DDX52: variants seen among roughly 807,000 people sequenced by gnomAD.
DDX52 encodes the protein probable ATP-dependent RNA helicase DDX52.
Under a neutral mutation model 76.1 loss-of-function variants are expected in DDX52, and 59 were observed. The ratio of observed to expected loss-of-function variants is 0.78; its 90% CI spans 0.63 to 0.96. The LOEUF is 0.96. Ranked by LOEUF, DDX52 falls within the 40% of genes least tolerant of loss-of-function variation. DDX52 has a pLI of 0.00. For missense variants in DDX52, 707 were observed against 703.9 expected, an observed-to-expected ratio of 1.00 and a Z score of -0.05; for synonymous variants, 231 against 244.1, an observed-to-expected ratio of 0.95 and a Z score of 0.50.
chr17:37,621,027 T>C, intron 11 of DDX52, 79 bp from the exon 12 acceptor site: 1 of 1,557,412 alleles, frequency 6.4e-7, no homozygotes, highest in Non-Finnish European at 8.6e-7. Context: ...AGTCACTGGA[T>C]TTTCACAGCA....
In DDX52 at chr17:37,625,900, T is replaced by C; in HGVS notation, c.1131A>G (p.Gly377=). 1 of 1,613,990 alleles carries C rather than the reference T, an allele frequency of 6.2e-7. No homozygotes were observed. The highest frequency in any genetic ancestry group is 8.5e-7 in the Non-Finnish European group (1 of 1,179,926). Residue 377 remains glycine (G), a synonymous_variant, in exon 8 of 15, where the codon GGA becomes GGG. Coordinates refer to ENST00000617633, the MANE Select transcript of DDX52 (RefSeq NM_007010.5). ...NLDNVISVSI[G]ARNSAVETVE... ...GTTGAGAAACAATTAAATACCTTGC[T>C]CCAATGGACACACTGATGACATTGT...
At position 37,610,824 on chromosome 17, in the gene DDX52, T is replaced by A. The variant is rs2064329664; in HGVS notation, c.*3472A>T. On this transcript the variant is annotated 3_prime_UTR_variant, in exon 15 of 15. Transcript: ENST00000617633. ...AGAGCCAGCTATTCAATTTTTATGTTTTTTCTTTTGCTGTAACTGCCTGTT... is the reference window on the plus strand; with the variant it reads ...AGAGCCAGCTATTCAATTTTTATGTATTTTCTTTTGCTGTAACTGCCTGTT... 6.6e-6 allele frequency: 1 copy of A among 152,234 alleles called. No homozygotes were observed. Among genetic ancestry groups the A allele is most frequent in the Admixed American group, 6.5e-5 (1 of 15,282 alleles). The allele number at this position is 152,234 out of a possible 1,614,324, so 9.4% of individuals were successfully genotyped here. A position where few individuals can be genotyped will look rare whatever the true frequency, so the allele number is the denominator to read the frequency against.
rs59823735 is a variant in DDX52 at position 37,614,378 on chromosome 17, T to C, written c.1743-25A>G. On this transcript the variant is annotated intron_variant, in intron 14 of 14. Coordinates refer to ENST00000617633, the MANE Select transcript of DDX52 (RefSeq NM_007010.5). ...CCTGTAAAGAGCAAAGTAAGAAAAA[T>C]TGAATAAAAAATTCTACGTATATTT... The C allele has an allele frequency of 2.2e-5, 36 of 1,600,060 alleles. No homozygotes were observed. The highest frequency in any genetic ancestry group is 6.8e-5 in the South Asian group (6 of 87,984).
At chr17:37,616,451 G>A (rs1033434424) in intron 14 of DDX52, among the ~76,000 whole-genome samples, 3 of 152,002 alleles carry the variant, frequency 2.0e-5, no homozygotes, top group Admixed American at 1.3e-4. Context: ...TTGAGAGTTC[G>A]AGACCATCTT....
intron 9 of DDX52, among the ~76,000 whole-genome samples, chr17:37,622,333 GC>G (rs1392929683): frequency 7.1e-6 from 1 of 141,530 alleles, no homozygotes; most frequent in Non-Finnish European, 1.5e-5. Context: ...TTGCTATGTT[GC>G]CCAGGCTGGA....
chr17:37,624,380 G>T lies in DDX52; in HGVS notation c.1191C>A (p.Thr397=). 1.2e-6 allele frequency: 2 copies of T among 1,607,350 alleles called. No homozygotes were observed. The highest frequency in any genetic ancestry group is 1.7e-6 in the Non-Finnish European group (2 of 1,175,656). Residue 397 remains threonine, a synonymous_variant, in exon 9 of 15, where the codon ACC becomes ACA. Transcript: ENST00000617633. ...GTTCTCTCACGGCCAGAAGTTTTCCGGTCTCAGATCCAACAAAGAGAAGCT... is the reference window on the plus strand; with the variant it reads ...GTTCTCTCACGGCCAGAAGTTTTCCTGTCTCAGATCCAACAAAGAGAAGCT... ...EQELLFVGSE[T]GKLLAVRELV... is the part of the protein sequence containing the mutation.
At chr17:37,631,444 A>G (rs1250693365) in intron 4 of DDX52, 1 of 152,410 alleles carries the variant, frequency 6.6e-6, no homozygotes, top group Non-Finnish European at 1.5e-5. Context: ...AGAAATCAGA[A>G]TAGCAGTTGC....
Position 37,643,314 on chromosome 17 carries a change from C to G in DDX52, c.87+20G>C. ...TGCTCCTTCTCAGTTACTCGGCCCT[C>G]GGTCCCTTGGGCACAGTACCTGGAA... On this transcript the variant is annotated intron_variant, in intron 1 of 14. Transcript: ENST00000617633. 1 of 1,606,606 alleles carries G rather than the reference C, an allele frequency of 6.2e-7. No individual in the cohort carries two copies. The highest frequency in any genetic ancestry group is 8.5e-7 in the Non-Finnish European group (1 of 1,174,658).
intron 1 of DDX52, 26 bp downstream of exon 1, chr17:37,643,308 G>A (rs1216728959): frequency 2.5e-6 from 4 of 1,596,958 alleles, no homozygotes; most frequent in African/African-American, 1.3e-5. Flanking sequence ...TCAGTTACTC[G>A]GCCCTCGGTC....
chr17:37,613,482 T>C lies in DDX52; in HGVS notation c.*814A>G, dbSNP rs766731794. The C allele has an allele frequency of 6.6e-6, 1 of 151,978 alleles. No individual in the cohort carries two copies. Among genetic ancestry groups the C allele is most frequent in the Non-Finnish European group, 1.5e-5 (1 of 67,986 alleles). The allele number at this position is 151,978 out of a possible 1,614,324, so 9.4% of individuals were successfully genotyped here. ...AAGAACATGGTTAAATCACAGAAAA[T>C]GAAGAAAGGGAGAAGCTGATCATGA... On this transcript the variant is annotated 3_prime_UTR_variant, in exon 15 of 15. Transcript: ENST00000617633.
In DDX52 at chr17:37,609,904, C is replaced by G. The variant is rs2064274682; in HGVS notation, c.*4392G>C. On this transcript the variant is annotated 3_prime_UTR_variant, in exon 15 of 15. Transcript: ENST00000617633. ...GGTAGCTTCATGTTGGCACCTATCA[C>G]AGACGCTGAAGGCATTTAAATTTTA... 6.6e-6 allele frequency: 1 copy of G among 152,328 alleles called. No individual in the cohort carries two copies. Among genetic ancestry groups the G allele is most frequent in the Admixed American group, 6.5e-5 (1 of 15,268 alleles). The allele number at this position is 152,328 out of a possible 1,614,324, so 9.4% of individuals were successfully genotyped here. A position where few individuals can be genotyped will look rare whatever the true frequency, so the allele number is the denominator to read the frequency against.
At chr17:37,627,446 T>C (rs1393647995) in intron 6 of DDX52, among the ~76,000 whole-genome samples, 1 of 152,070 alleles carries the variant, frequency 6.6e-6, no homozygotes, top group East Asian at 1.9e-4. Context: ...AGGGTCTCCC[T>C]ATGCTGTCCA....
chr17:37,620,872 C>G lies in DDX52; in HGVS notation c.1577+1G>C. ...ACACTAGGTTATTTTTTCTAATTTACCTTCTTAATAATGGCTTATCATCCT... is the reference window on the plus strand; with the variant it reads ...ACACTAGGTTATTTTTTCTAATTTAGCTTCTTAATAATGGCTTATCATCCT... On this transcript the variant is annotated splice_donor_variant, in intron 12 of 14. Coordinates refer to ENST00000617633, the MANE Select transcript of DDX52 (RefSeq NM_007010.5). LOFTEE classifies it high-confidence loss of function. The G allele has an allele frequency of 6.3e-7, 1 of 1,586,362 alleles. No homozygotes were observed. The highest frequency in any genetic ancestry group is 8.5e-7 in the Non-Finnish European group (1 of 1,172,396).
intron 6 of DDX52, among the ~76,000 whole-genome samples, chr17:37,628,047 T>C (rs528277429): frequency 6.6e-6 from 1 of 152,210 alleles, no homozygotes; most frequent in South Asian, 2.1e-4. Flanking sequence ...TCCATAGCTA[T>C]AGGTATGGAG....
At chr17:37,624,455 G>T in intron 8 of DDX52, 21 bp from the exon 9 acceptor site, 1 of 1,555,314 alleles carries the variant, frequency 6.4e-7, no homozygotes, top group South Asian at 1.2e-5. Flanking sequence ...AATATACCTT[G>T]TAGTTTGTAA....
In DDX52 at chr17:37,628,550, G is replaced by A; in HGVS notation, c.859+11C>T. Reference sequence around the variant, plus strand: ...CATGCTCTATCTACATCCCATGTATGAATTCCTTACCAAACTTTTTAGATG... The same window carrying A: ...CATGCTCTATCTACATCCCATGTATAAATTCCTTACCAAACTTTTTAGATG... On this transcript the variant is annotated intron_variant, in intron 6 of 14. Coordinates refer to ENST00000617633, the MANE Select transcript of DDX52 (RefSeq NM_007010.5). 1 of 1,600,020 alleles carries A rather than the reference G, an allele frequency of 6.2e-7. No individual in the cohort carries two copies. Among genetic ancestry groups the A allele is most frequent in the Non-Finnish European group, 8.5e-7 (1 of 1,170,052 alleles).
intron 2 of DDX52, chr17:37,635,735 G>A: frequency 2.5e-6 from 1 of 403,884 alleles, no homozygotes. Context: ...TGGAATAGCT[G>A]GGTAATATGG....
rs145024282 is a variant in DDX52 at position 37,643,403 on chromosome 17, G to A, written c.18C>T (p.Leu6=). The change falls in exon 1 of 15, where the codon CTC becomes CTT. Residue 6 remains leucine (L), a synonymous_variant. Transcript: ENST00000617633. Reference sequence around the variant, plus strand: ...TGGCCCCCGCGCCGAGCCGGCGAAAGAGATCGTGGACGTCCATCTTTACCC... The same window carrying A: ...TGGCCCCCGCGCCGAGCCGGCGAAAAAGATCGTGGACGTCCATCTTTACCC... MDVHD[L]FRRLGAGAKF... 2.6e-5 allele frequency: 42 copies of A among 1,614,012 alleles called. No homozygotes were observed. The Middle Eastern group carries it at 4.9e-4, about 19-fold the overall frequency.
chr17:37,623,326 G>C (rs1467270681), intron 9 of DDX52, among the ~76,000 whole-genome samples: 1 of 152,204 alleles, frequency 6.6e-6, no homozygotes, highest in East Asian at 1.9e-4. Context: ...TCGGGAGACT[G>C]AGGTAGGAGA....
Sources: allele counts gnomAD v4.1 joint callset (sites outside exome capture counted in the v4.1 genomes callset), GRCh38; gene constraint gnomAD v4.1.1; transcripts MANE v1.5; gene names NCBI Gene and HGNC (gene_info 2026-07-23, HGNC 2026-07-21).